The following CRADD variants were observed in gnomAD, a reference collection of about 807,000 sequenced individuals.
CRADD encodes CARD and death domain containing adaptor protein.
Under a neutral mutation model 15.5 loss-of-function variants are expected in CRADD, and 9 were observed. The observed-to-expected ratio is 0.58, with a 90% CI of 0.35 to 1.01. The LOEUF is 1.01. Among genes scored for constraint, CRADD ranks in the 50% least tolerant of loss-of-function variants. The pLI is 0.02. For missense variants in CRADD, 227 were observed against 250.3 expected (o/e 0.91, Z 0.63); for synonymous variants, 118 against 107.6 (o/e 1.10, Z -0.60).
intron 2 of CRADD, among the ~76,000 whole-genome samples, chr12:93,826,454 G>A (rs983940280): frequency 2.0e-5 from 3 of 152,212 alleles, no homozygotes; most frequent in African/African-American, 7.2e-5. Context: ...AGAGATGTCA[G>A]GATCCCAAGT....
At position 93,806,810 on chromosome 12, in the gene CRADD, A is replaced by G. The variant is rs1403127327; in HGVS notation, c.299-43160A>G. On this transcript the variant is annotated intron_variant, in intron 2 of 2. Transcript: ENST00000332896. ...GGTTTTAATGACCTTATTGAATAAC[A>G]TGTTAAATTGGAAGGAAATCAGTAA... is the stretch of plus-strand genomic sequence containing the variant. 2.0e-5 allele frequency among the ~76,000 whole-genome samples: 3 copies of G among 152,162 alleles called. No individual in the cohort carries two copies. The East Asian group carries it at 5.8e-4, about 29-fold the overall frequency.
intron 2 of CRADD, among the ~76,000 whole-genome samples, chr12:93,781,307 T>G (rs747322412): frequency 3.2e-4 from 48 of 152,342 alleles, no homozygotes; most frequent in Non-Finnish European, 6.5e-4. Flanking sequence ...CTTCTGAGAT[T>G]GTTAGGGCAC....
Position 93,799,944 on chromosome 12 carries a change from A to G in CRADD, c.299-50026A>G, listed in dbSNP as rs547128691. Among the ~76,000 whole-genome samples the G allele has an allele frequency of 2.0e-5, 3 of 152,230 alleles. No homozygotes were observed. The South Asian group carries it at 6.2e-4, about 32-fold the overall frequency. ...CATTAGCAGAAAATGTGGTAAGTGTACCATGATGACTTACTTTTTCATTAA... is the reference window on the plus strand; with the variant it reads ...CATTAGCAGAAAATGTGGTAAGTGTGCCATGATGACTTACTTTTTCATTAA... On this transcript the variant is annotated intron_variant, in intron 2 of 2. Coordinates refer to ENST00000332896, the MANE Select transcript of CRADD (RefSeq NM_003805.5).
intron 2 of CRADD, among the ~76,000 whole-genome samples, chr12:93,796,637 TC>T (rs1957421927): frequency 6.6e-6 from 1 of 151,826 alleles, no homozygotes; most frequent in Non-Finnish European, 1.5e-5. Flanking sequence ...TAATACATAT[TC>T]TTTATTAGTA....
chr12:93,864,757 G>A (rs1268676880), intron 2 of CRADD, among the ~76,000 whole-genome samples: 2 of 152,192 alleles, frequency 1.3e-5, no homozygotes, highest in Non-Finnish European at 1.5e-5. Flanking sequence ...CCCTCAGTAC[G>A]GGGAAAGTGA....
At chr12:93,835,976 C>T in intron 2 of CRADD, among the ~76,000 whole-genome samples, 1 of 152,126 alleles carries the variant, frequency 6.6e-6, no homozygotes. Flanking sequence ...AGGCTATAGG[C>T]ACATGTAAGC....
At chr12:93,738,497 C>G in intron 2 of CRADD, 1 of 701,930 alleles carries the variant, frequency 1.4e-6, no homozygotes, top group Non-Finnish European at 2.6e-6. Context: ...TTCACTGGGA[C>G]TGCAGCAACA....
intron 2 of CRADD, among the ~76,000 whole-genome samples, chr12:93,692,131 A>C (rs146431727): frequency 6.6e-6 from 1 of 152,262 alleles, no homozygotes; most frequent in East Asian, 1.9e-4. Flanking sequence ...GAATTAATCA[A>C]GCAGAAGAAA....
chr12:93,759,585 G>A (rs181314136), intron 2 of CRADD, among the ~76,000 whole-genome samples: 2 of 152,094 alleles, frequency 1.3e-5, no homozygotes, highest in African/African-American at 4.8e-5. Context: ...CTCTGGGATC[G>A]TTTCCCCAGC....
chr12:93,813,884 CTG>C (rs1373081070), intron 2 of CRADD, among the ~76,000 whole-genome samples: 9 of 152,142 alleles, frequency 5.9e-5, no homozygotes, highest in African/African-American at 1.9e-4. Flanking sequence ...TCTGGAGACT[CTG>C]AGAATAGTTA....
Position 93,882,236 on chromosome 12 carries a change from A to G in CRADD, c.299-11814A>G, listed in dbSNP as rs967782021. Among the ~76,000 whole-genome samples, 6 of 151,706 alleles carry G rather than the reference A, an allele frequency of 4.0e-5. 1 individual carries two copies. In the South Asian group the frequency reaches 1.3e-3, roughly 32 times the overall value. ...GGAGTTCGAGACCAGCCTGGTCAACATGGTGAAACCCTGTCTCTACTAAAA... is the reference window on the plus strand; with the variant it reads ...GGAGTTCGAGACCAGCCTGGTCAACGTGGTGAAACCCTGTCTCTACTAAAA... On this transcript the variant is annotated intron_variant, in intron 2 of 2. Transcript: ENST00000548483.
chr12:93,886,704 A>G (rs1958539926), intron 2 of CRADD, among the ~76,000 whole-genome samples: 1 of 152,190 alleles, frequency 6.6e-6, no homozygotes, highest in Non-Finnish European at 1.5e-5. Context: ...AAGGAACGAA[A>G]ACAAACAATC....
At chr12:93,888,671 G>A (rs1461947600) in intron 2 of CRADD, among the ~76,000 whole-genome samples, 1 of 152,162 alleles carries the variant, frequency 6.6e-6, no homozygotes, top group African/African-American at 2.4e-5. Context: ...AAGACCAGTA[G>A]CAGGAGACCC....
chr12:93,694,893 TGATTTATA>T (rs148936907), intron 2 of CRADD, among the ~76,000 whole-genome samples: 2,507 of 152,284 alleles, frequency 0.016, 57 homozygotes, highest in African/African-American at 0.057. Flanking sequence ...CTACCCAAAG[TGATTTATA>T]GATTCAGTGC....
chr12:93,865,312 G>A (rs11838258), intron 2 of CRADD, among the ~76,000 whole-genome samples: 2,729 of 152,268 alleles, frequency 0.018, 83 homozygotes, highest in African/African-American at 0.062. Context: ...GGTATCCATG[G>A]CAGACTTGTT....
chr12:93,749,241 A>G (rs1956803629), intron 2 of CRADD, among the ~76,000 whole-genome samples: 1 of 152,202 alleles, frequency 6.6e-6, no homozygotes, highest in South Asian at 2.1e-4. Flanking sequence ...CCTCCTAGCT[A>G]GAGAGGCCAG....
chr12:93,682,893 C>T (rs1205919407), intron 2 of CRADD, among the ~76,000 whole-genome samples: 3 of 152,094 alleles, frequency 2.0e-5, no homozygotes, highest in African/African-American at 7.2e-5. Context: ...AGGACTCTTA[C>T]CTTTTAAAAG....
intron 2 of CRADD, among the ~76,000 whole-genome samples, chr12:93,741,801 A>G (rs1388295826): frequency 6.6e-6 from 1 of 152,132 alleles, no homozygotes; most frequent in Non-Finnish European, 1.5e-5. Context: ...TCTCATAGCT[A>G]TGGTCAAAAT....
At chr12:93,783,239 A>G (rs1425133722) in intron 2 of CRADD, among the ~76,000 whole-genome samples, 1 of 128,370 alleles carries the variant, frequency 7.8e-6, no homozygotes, top group Admixed American at 9.2e-5. Context: ...TATTATTATT[A>G]TTATTATTAT....
Sources: gnomAD v4.1 joint callset for allele counts (sites outside exome capture counted in the v4.1 genomes callset) on GRCh38, gnomAD v4.1.1 for gene constraint, MANE v1.5 for transcripts, NCBI Gene and HGNC (gene_info 2026-07-23, HGNC 2026-07-21) for gene names.